The following THSD4 variants were observed in gnomAD, a reference collection of about 807,000 sequenced individuals.
THSD4 encodes the protein thrombospondin type-1 domain-containing protein 4.
THSD4 carries 69 observed loss-of-function variants against 119.0 expected under a neutral mutation model. That is an observed-to-expected ratio of 0.58 (90% CI 0.48 to 0.71). The LOEUF is 0.71. THSD4 is among the 30% of genes least tolerant of loss of function. THSD4 has a pLI of 0.00. For missense variants in THSD4, 1,393 were observed against 1,391.1 expected (o/e 1.00, Z -0.02); for synonymous variants, 524 against 540.4 (o/e 0.97, Z 0.42).
chr15:71,602,328 C>T (rs1000199075), intron 7 of THSD4, among the ~76,000 whole-genome samples: 1 of 151,814 alleles, frequency 6.6e-6, no homozygotes, highest in African/African-American at 2.4e-5. Flanking sequence ...CTGAGATGGG[C>T]AGATCACCTG....
intron 6 of THSD4, among the ~76,000 whole-genome samples, chr15:71,398,300 G>C (rs2046478606): frequency 6.6e-6 from 1 of 152,122 alleles, no homozygotes; most frequent in Non-Finnish European, 1.5e-5. Context: ...TGGGAGGGTG[G>C]TTCTTTAGGA....
In THSD4 at chr15:71,234,247, C is replaced by T. The variant is rs561069157; in HGVS notation, c.465-8402C>T. Among the ~76,000 whole-genome samples the T allele has an allele frequency of 2.9e-4, 44 of 152,332 alleles. No individual in the cohort carries two copies. In the South Asian group the frequency reaches 8.3e-3, roughly 29 times the overall value. On this transcript the variant is annotated intron_variant, in intron 4 of 17. Coordinates refer to ENST00000261862, the MANE Select transcript of THSD4 (RefSeq NM_024817.3). The stretch of plus-strand genomic sequence containing the variant: ...AGGCCCCTAAACACATCTGGGATTT[C>T]TACTGTTCCCCAGCCCAGGCCACTG...
At chr15:71,110,911 G>T (rs1305768836), upstream of THSD4, 2 of 541,750 alleles carry the variant, frequency 3.7e-6, no homozygotes, top group Admixed American at 6.6e-5. Flanking sequence ...CTGGGCGTAT[G>T]CCGTAGATCT....
At chr15:71,490,437 G>A (rs1269972059) in intron 7 of THSD4, among the ~76,000 whole-genome samples, 3 of 151,956 alleles carry the variant, frequency 2.0e-5, no homozygotes, top group Non-Finnish European at 4.4e-5. Flanking sequence ...GCGGGTGCCT[G>A]TAGTCCCACC....
At chr15:71,660,844 C>T (rs371730510) in intron 8 of THSD4, 110 bp downstream of exon 8, 1 of 1,229,224 alleles carries the variant, frequency 8.1e-7, no homozygotes, top group South Asian at 1.4e-5. Context: ...GGCATGCAGG[C>T]AGTGCCCCTG....
intron 8 of THSD4, among the ~76,000 whole-genome samples, chr15:71,716,596 T>C (rs1356362223): frequency 9.0e-6 from 1 of 111,002 alleles, no homozygotes; most frequent in African/African-American, 3.0e-5. Flanking sequence ...TTTTGTTTTT[T>C]TTTTTGTAGT....
chr15:71,724,325 A>G (rs1280103691), intron 8 of THSD4, among the ~76,000 whole-genome samples: 3 of 120,824 alleles, frequency 2.5e-5, no homozygotes, highest in Non-Finnish European at 5.6e-5. Flanking sequence ...TTGCTCTGTC[A>G]CCCAGGCTGG....
At chr15:71,754,784 T>TG (rs1019752681) in intron 14 of THSD4, among the ~76,000 whole-genome samples, 5 of 151,696 alleles carry the variant, frequency 3.3e-5, no homozygotes, top group African/African-American at 9.7e-5. Context: ...TGTAGTGGCA[T>TG]GGGGGGCTTC....
rs56347233 is a variant in THSD4, at chr15:71,406,643, G to GGTGTGTGTGT, written c.1016-5001_1016-4992dup. ...TCTTTCAGTTCTCTCAGGTTTGTTT[G>GGTGTGTGTGT]GTGTGTGTGTGTGTGTGTGTGTGTG... On this transcript the variant is annotated intron_variant, in intron 6 of 17. Transcript: ENST00000261862. Among the ~76,000 whole-genome samples the GGTGTGTGTGT allele has an allele frequency of 1.6e-4, 20 of 126,192 alleles. 1 individual carries two copies. The highest frequency in any genetic ancestry group is 2.8e-4 in the South Asian group (1 of 3,510). The allele number at this position is 126,192 out of a possible 152,430, so 82.8% of individuals were successfully genotyped here.
At chr15:71,383,457 T>C (rs1452868124) in intron 6 of THSD4, among the ~76,000 whole-genome samples, 1 of 152,186 alleles carries the variant, frequency 6.6e-6, no homozygotes, top group Non-Finnish European at 1.5e-5. Context: ...TAAGGCCTAC[T>C]TAAGGCAAAA....
chr15:71,655,687 T>C (rs112992149), intron 7 of THSD4, among the ~76,000 whole-genome samples: 223 of 152,172 alleles, frequency 1.5e-3, no homozygotes, highest in African/African-American at 5.0e-3. Flanking sequence ...CATCAAAATG[T>C]CCAAAGATAC....
At chr15:71,134,389 T>C (rs1185010200) in intron 1 of THSD4, among the ~76,000 whole-genome samples, 1 of 152,226 alleles carries the variant, frequency 6.6e-6, no homozygotes, top group Non-Finnish European at 1.5e-5. Context: ...AGAGGCAGCG[T>C]GCATCTGCAG....
At chr15:71,659,863 C>G (rs370890815) in intron 7 of THSD4, among the ~76,000 whole-genome samples, 5 of 152,170 alleles carry the variant, frequency 3.3e-5, no homozygotes, top group Non-Finnish European at 7.3e-5. Context: ...CCTTTATACA[C>G]TGATGAGACC....
At chr15:71,269,774 G>C (rs147036078) in intron 6 of THSD4, among the ~76,000 whole-genome samples, 13,791 of 152,150 alleles carry the variant, frequency 0.091, 750 homozygotes, top group South Asian at 0.17. Flanking sequence ...AAATCAATGT[G>C]CAAAAATCAC....
chr15:71,614,899 A>T (rs191539561), intron 7 of THSD4, among the ~76,000 whole-genome samples: 1 of 152,260 alleles, frequency 6.6e-6, no homozygotes, highest in African/African-American at 2.4e-5. Context: ...CCAGAGGTTC[A>T]AGTTAACTGA....
At chr15:71,454,391 G>C (rs1487066984) in intron 7 of THSD4, among the ~76,000 whole-genome samples, 1 of 152,194 alleles carries the variant, frequency 6.6e-6, no homozygotes, top group African/African-American at 2.4e-5. Context: ...GATGTAACTG[G>C]ATAGCTTTGA....
intron 6 of THSD4, among the ~76,000 whole-genome samples, chr15:71,284,208 C>G (rs1000652037): frequency 6.6e-6 from 1 of 152,004 alleles, no homozygotes; most frequent in Admixed American, 6.6e-5. Context: ...GCCTGTTTGT[C>G]TTAATAGAAA....
intron 3 of THSD4, among the ~76,000 whole-genome samples, chr15:71,200,450 A>G (rs944288615): frequency 1.3e-5 from 2 of 152,114 alleles, no homozygotes; most frequent in Non-Finnish European, 2.9e-5. Flanking sequence ...AAATGCCTGA[A>G]GCCTGCTTGT....
At position 71,623,829 on chromosome 15, in the gene THSD4, A is replaced by G. The variant is rs546289977; in HGVS notation, c.1153-36701A>G. Among the ~76,000 whole-genome samples, 9 of 151,818 alleles carry G rather than the reference A, an allele frequency of 5.9e-5. No individual in the cohort carries two copies. The East Asian group carries it at 1.6e-3, about 26-fold the overall frequency. Reference sequence around the variant, plus strand: ...TCCCACCTACCTAGGAGGCTGAGGCAGGACAGTCACTTGAACCTGGGAGGT... The same window carrying G: ...TCCCACCTACCTAGGAGGCTGAGGCGGGACAGTCACTTGAACCTGGGAGGT... On this transcript the variant is annotated intron_variant, in intron 7 of 17. Coordinates refer to ENST00000261862, the MANE Select transcript of THSD4 (RefSeq NM_024817.3).
Sources: allele counts gnomAD v4.1 joint callset (sites outside exome capture counted in the v4.1 genomes callset), GRCh38; gene constraint gnomAD v4.1.1; transcripts MANE v1.5; gene names NCBI Gene and HGNC (gene_info 2026-07-23, HGNC 2026-07-21).